TAPBPL: variants seen among roughly 807,000 people sequenced by gnomAD.
The protein encoded by TAPBPL is TAP binding protein like.
Under a neutral mutation model 44.8 loss-of-function variants are expected in TAPBPL, and 32 were observed. The ratio of observed to expected loss-of-function variants is 0.71; its 90% CI spans 0.54 to 0.96. TAPBPL has a LOEUF of 0.96. TAPBPL is among the 40% of genes least tolerant of loss of function. TAPBPL has a pLI of 0.00. For synonymous variants in TAPBPL, 230 were observed against 240.7 expected, an observed-to-expected ratio of 0.96 and a Z score of 0.41; for missense variants, 520 against 586.6, an observed-to-expected ratio of 0.89 and a Z score of 1.17.
downstream of TAPBPL, chr12:6,462,964 C>T: frequency 3.9e-6 from 6 of 1,553,040 alleles, no homozygotes; most frequent in Non-Finnish European, 4.4e-6. Context: ...TGGCCTCAGC[C>T]TCTTCCTGTT....
intron 3 of TAPBPL, among the ~76,000 whole-genome samples, chr12:6,457,189 G>C (rs16932619): frequency 3.9e-5 from 6 of 152,138 alleles, no homozygotes; most frequent in African/African-American, 1.4e-4. Context: ...AATTATCCTA[G>C]AGTAAGTGAT....
rs1240233285 is a variant in TAPBPL, at chr12:6,453,120, TTCCTGGCGAAGGACGGTGCGC to T, written c.119_139del (p.Phe40_His47delinsTyr). The stretch of plus-strand genomic sequence containing the variant: ...GGCAGTGGACGTGGTCCTAGACTGC[TTCCTGGCGAAGGACGGTGCGC>T]ACCGTGGAGCTCTCGCCAGCAGTGA... On this transcript the variant is annotated inframe_deletion, in exon 2 of 7. Coordinates refer to ENST00000266556, the MANE Select transcript of TAPBPL (RefSeq NM_018009.5). The surrounding 1 kb of genome is among the most constrained non-coding windows in gnomAD (Gnocchi z 4.8). 1.3e-6 allele frequency: 2 copies of T among 1,587,788 alleles called. No homozygotes were observed. Among genetic ancestry groups the T allele is most frequent in the Admixed American group, 3.7e-5 (2 of 54,668 alleles).
At chr12:6,464,504 G>C (rs1949954642), downstream of TAPBPL, 2 of 1,500,252 alleles carry the variant, frequency 1.3e-6, no homozygotes. Context: ...CAGGAATCAG[G>C]AAGTCCCAGA....
chr12:6,463,205 A>G, downstream of TAPBPL: 1 of 1,433,766 alleles, frequency 7.0e-7, no homozygotes, highest in Non-Finnish European at 9.1e-7. This position sits in a 1 kb window ranked among gnomAD's most constrained non-coding sequence, Gnocchi z 4.0. Context: ...TTCAGACAGG[A>G]AAGGGTGGTT....
At chr12:6,464,212 G>T, downstream of TAPBPL, 4 of 1,496,710 alleles carry the variant, frequency 2.7e-6, no homozygotes, top group Non-Finnish European at 3.6e-6. Context: ...GGGGGAACTT[G>T]AGAGTACAGA....
At chr12:6,463,703 C>G, downstream of TAPBPL, 1 of 1,133,392 alleles carries the variant, frequency 8.8e-7, no homozygotes, top group South Asian at 1.9e-5. This position sits in a 1 kb window ranked among gnomAD's most constrained non-coding sequence, Gnocchi z 4.0. Flanking sequence ...ATTTGGTGCC[C>G]TCATACAGAA....
At chr12:6,465,465 T>TTG (rs1949998240), downstream of TAPBPL, 2 of 122,664 alleles carry the variant, frequency 1.6e-5, no homozygotes, top group African/African-American at 4.0e-5. Context: ...TGTGTATATA[T>TTG]AGTGTGTGTG....
downstream of TAPBPL, chr12:6,465,466 AGTGT>A (rs72418260): frequency 5.4e-3 from 561 of 103,410 alleles, 14 homozygotes; most frequent in Non-Finnish European, 6.1e-3. Flanking sequence ...GTGTATATAT[AGTGT>A]GTGTGTGTGT....
chr12:6,464,003 GCTC>G, downstream of TAPBPL: 1 of 1,292,192 alleles, frequency 7.7e-7, no homozygotes. Flanking sequence ...AGGAAGGAAA[GCTC>G]CACATGACCA....
chr12:6,462,994 G>A (rs1419542591), downstream of TAPBPL: 4 of 1,550,622 alleles, frequency 2.6e-6, no homozygotes, highest in African/African-American at 2.7e-5. Flanking sequence ...AGGGAAGAAG[G>A]AATAAAGGGC....
At chr12:6,454,482 C>G (rs1323067456) in intron 3 of TAPBPL, among the ~76,000 whole-genome samples, 2 of 152,118 alleles carry the variant, frequency 1.3e-5, no homozygotes, top group Non-Finnish European at 2.9e-5. Flanking sequence ...ACAACAACAA[C>G]AACAAAAACC....
downstream of TAPBPL, chr12:6,462,755 C>G: frequency 6.8e-7 from 1 of 1,464,348 alleles, no homozygotes; most frequent in Non-Finnish European, 9.3e-7. Flanking sequence ...CTGCATTAGG[C>G]AAGGAGGAGC....
chr12:6,455,124 C>T (rs1346319168), intron 3 of TAPBPL, among the ~76,000 whole-genome samples: 1 of 152,124 alleles, frequency 6.6e-6, no homozygotes, highest in Non-Finnish European at 1.5e-5. Flanking sequence ...TACCCTACAC[C>T]TAGATCCACC....
chr12:6,454,417 G>A (rs1178128432), intron 3 of TAPBPL, among the ~76,000 whole-genome samples: 2 of 152,118 alleles, frequency 1.3e-5, no homozygotes, highest in Non-Finnish European at 2.9e-5. Flanking sequence ...GCAGTGAGCC[G>A]AGATTGCGCC....
downstream of TAPBPL, chr12:6,463,050 C>T (rs1045653889): frequency 5.8e-6 from 9 of 1,542,234 alleles, no homozygotes; most frequent in Non-Finnish European, 7.8e-6. The surrounding 1 kb of genome is among the most constrained non-coding windows in gnomAD (Gnocchi z 4.0). Flanking sequence ...CCTCCCCTTG[C>T]ACCTGGGCTT....
downstream of TAPBPL, chr12:6,464,967 G>C (rs757418493): frequency 2.5e-6 from 4 of 1,612,760 alleles, no homozygotes; most frequent in Non-Finnish European, 2.5e-6. Context: ...CAAAAAATGA[G>C]CCCTTGGATT....
chr12:6,457,697 C>A lies in TAPBPL; in HGVS notation c.857C>A (p.Thr286Asn). ...QDEGTYICQI[T>N]TSLYRAQQII... ...GAGGGGACCTACATTTGCCAGATCA[C>A]CACCTCTCTGTACCGAGCTCAGCAG... The change falls in exon 4 of 7, where the codon ACC becomes AAC. Residue 286 changes from threonine (T) to asparagine (N), a missense_variant. Thr to Asn is a moderately conservative substitution (Grantham distance 65). Coordinates refer to ENST00000266556, the MANE Select transcript of TAPBPL (RefSeq NM_018009.5). The A allele has an allele frequency of 6.2e-7, 1 of 1,611,392 alleles. No individual in the cohort carries two copies.
chr12:6,468,747 T>C (rs1305431892), downstream of TAPBPL, among the ~76,000 whole-genome samples: 3 of 152,164 alleles, frequency 2.0e-5, no homozygotes, highest in African/African-American at 7.2e-5. Context: ...TCCCAAAACA[T>C]GGAGGCTAAA....
downstream of TAPBPL, chr12:6,464,639 A>G (rs1949958069): frequency 6.9e-7 from 1 of 1,456,900 alleles, no homozygotes; most frequent in East Asian, 2.5e-5. Flanking sequence ...CCAGTGACAC[A>G]CAGCATAGCC....
Sources: allele counts gnomAD v4.1 joint callset (sites outside exome capture counted in the v4.1 genomes callset), GRCh38; gene constraint gnomAD v4.1.1; non-coding constraint Gnocchi (gnomAD v3.1); transcripts MANE v1.5; gene names NCBI Gene and HGNC (gene_info 2026-07-23, HGNC 2026-07-21).